Variants in SORL1 observed in about 807,000 individuals in gnomAD.
SORL1 encodes the protein sortilin related receptor 1.
Under a neutral mutation model 273.7 loss-of-function variants are expected in SORL1, and 127 were observed. The observed-to-expected ratio is 0.46, with a 90% CI of 0.40 to 0.54. The LOEUF (loss-of-function observed/expected upper bound fraction) is 0.54, where lower values mean the gene tolerates loss of function less well. Among genes scored for constraint, SORL1 ranks in the 20% least tolerant of loss-of-function variants. SORL1 has a pLI of 0.00. For missense variants in SORL1, 2,494 were observed against 2,846.1 expected (o/e 0.88, Z 2.81); for synonymous variants, 1,031 against 1,067.4 (o/e 0.97, Z 0.66).
At chr11:121,487,499 G>A (rs372883939) in intron 3 of SORL1, among the ~76,000 whole-genome samples, 19 of 152,318 alleles carry the variant, frequency 1.2e-4, no homozygotes, top group South Asian at 1.2e-3. Flanking sequence ...CAGAGCTGCC[G>A]ATCACCTGGC....
At chr11:121,602,235 A>G (rs1204369435) in intron 32 of SORL1, among the ~76,000 whole-genome samples, 12 of 152,210 alleles carry the variant, frequency 7.9e-5, no homozygotes, top group South Asian at 2.1e-4. Flanking sequence ...CTGAAATGCA[A>G]TGATCTTCCT....
intron 12 of SORL1, among the ~76,000 whole-genome samples, chr11:121,539,103 T>C (rs1012452393): frequency 6.6e-6 from 1 of 152,234 alleles, no homozygotes; most frequent in African/African-American, 2.4e-5. Context: ...AGAAGTCTTA[T>C]CTTGGGTTGA....
chr11:121,467,129 A>C (rs1282216405), intron 1 of SORL1, among the ~76,000 whole-genome samples: 1 of 146,752 alleles, frequency 6.8e-6, no homozygotes, highest in Non-Finnish European at 1.5e-5. Context: ...TCCCGGGTTC[A>C]CGCCATTCTC....
intron 26 of SORL1, among the ~76,000 whole-genome samples, chr11:121,585,113 T>C (rs1424650426): frequency 6.6e-6 from 1 of 152,256 alleles, no homozygotes; most frequent in Non-Finnish European, 1.5e-5. Flanking sequence ...TTTAAATAGC[T>C]TTATAAAACT....
At chr11:121,587,498 T>G (rs1863133658) in intron 27 of SORL1, among the ~76,000 whole-genome samples, 1 of 152,238 alleles carries the variant, frequency 6.6e-6, no homozygotes, top group Non-Finnish European at 1.5e-5. Context: ...GGCCCCATTC[T>G]TATGGTTTCA....
intron 1 of SORL1, among the ~76,000 whole-genome samples, chr11:121,465,442 C>T (rs1014871375): frequency 1.3e-5 from 2 of 152,202 alleles, no homozygotes; most frequent in Non-Finnish European, 2.9e-5. Context: ...TCATTTAGTT[C>T]CAACTCCTGC....
At position 121,595,651 on chromosome 11, in the gene SORL1, C is replaced by T; in HGVS notation, c.4398C>T (p.Thr1466=). 6.2e-6 allele frequency: 10 copies of T among 1,610,798 alleles called. No homozygotes were observed. Among genetic ancestry groups the T allele is most frequent in the Non-Finnish European group, 8.5e-6 (10 of 1,178,504 alleles). Residue 1466 remains threonine (T), a synonymous_variant, in exon 32 of 48, where the codon ACC becomes ACT. Transcript: ENST00000260197. This position sits in a 1 kb window ranked among gnomAD's most constrained non-coding sequence, Gnocchi z 5.1. ...ACGTCACTGCTGCCTCCACTCCCAC[C>T]CAACTTGGGCGATGTGACCGATTTG... ...LANVTAASTP[T]QLGRCDRFEF...
intron 41 of SORL1, among the ~76,000 whole-genome samples, chr11:121,618,270 G>A (rs1863668071): frequency 6.6e-6 from 1 of 152,274 alleles, no homozygotes; most frequent in South Asian, 2.1e-4. Flanking sequence ...GTACCTGTTG[G>A]ACAGCCAGCC....
chr11:121,606,419 T>A (rs967811867), intron 35 of SORL1, among the ~76,000 whole-genome samples: 3 of 152,236 alleles, frequency 2.0e-5, no homozygotes, highest in Non-Finnish European at 4.4e-5. Context: ...TTCATTTGGA[T>A]ATAGAAATTC....
intron 1 of SORL1, among the ~76,000 whole-genome samples, chr11:121,459,241 A>T (rs1207401681): frequency 2.0e-5 from 3 of 152,242 alleles, no homozygotes; most frequent in African/African-American, 4.8e-5. Context: ...AAATAGCCAC[A>T]TGTGGCTCTT....
At chr11:121,539,072 G>A (rs1232687172) in intron 12 of SORL1, among the ~76,000 whole-genome samples, 2 of 152,204 alleles carry the variant, frequency 1.3e-5, no homozygotes, top group Admixed American at 6.5e-5. Context: ...ATTGACAGAT[G>A]TGTTGAGCTC....
rs919631383 is a variant in SORL1, at chr11:121,606,912, C to T, written c.5016C>T (p.His1672=). The T allele has an allele frequency of 4.3e-6, 7 of 1,614,170 alleles. No homozygotes were observed. In the Admixed American group the frequency reaches 1.2e-4, roughly 27 times the overall value. ...AAGCAGAAGGTGTGATTGTAGGCCACTGGGCTCCTCCCATCCACACCCATG... is the reference window on the plus strand; with the variant it reads ...AAGCAGAAGGTGTGATTGTAGGCCATTGGGCTCCTCCCATCCACACCCATG... ...PREAEGVIVG[H]WAPPIHTHGL... is the part of the protein sequence containing the mutation. The change falls in exon 36 of 48, where the codon CAC becomes CAT. Residue 1672 remains histidine, a synonymous_variant. Coordinates refer to ENST00000260197, the MANE Select transcript of SORL1 (RefSeq NM_003105.6).
At chr11:121,572,780 G>A (rs1591333065) in intron 23 of SORL1, among the ~76,000 whole-genome samples, 1 of 152,236 alleles carries the variant, frequency 6.6e-6, no homozygotes, top group Middle Eastern at 3.4e-3. Context: ...CTCTAGCTGG[G>A]TGACTGTCAG....
At chr11:121,534,957 G>A (rs1862247709) in intron 12 of SORL1, among the ~76,000 whole-genome samples, 2 of 152,272 alleles carry the variant, frequency 1.3e-5, no homozygotes, top group South Asian at 2.1e-4. Context: ...TTTACATGAT[G>A]CGCCTGAATT....
At chr11:121,496,719 C>T (rs1861634482) in intron 5 of SORL1, 150 bp from the exon 6 acceptor site, 1 of 643,534 alleles carries the variant, frequency 1.6e-6, no homozygotes, top group African/African-American at 1.8e-5. Context: ...AAGGAGTAAC[C>T]AAAGGGATAT....
chr11:121,516,614 C>T (rs1329444240), intron 8 of SORL1, among the ~76,000 whole-genome samples: 1 of 152,148 alleles, frequency 6.6e-6, no homozygotes, highest in African/African-American at 2.4e-5. Flanking sequence ...TCCTTTCCTC[C>T]CCTGACATAG....
At position 121,514,094 on chromosome 11, in the gene SORL1, A is replaced by G; in HGVS notation, c.1042-58A>G. On this transcript the variant is annotated intron_variant, in intron 7 of 47. Coordinates refer to ENST00000260197, the MANE Select transcript of SORL1 (RefSeq NM_003105.6). ...AGTCATTGCTTCCGTGTGTATAGTA[A>G]AAGCCCACAGGGCACATTTGTTTTT... The G allele has an allele frequency of 1.9e-6, 3 of 1,559,442 alleles. No individual in the cohort carries two copies. In the South Asian group the frequency reaches 3.6e-5, roughly 18 times the overall value.
intron 45 of SORL1, 66 bp downstream of exon 45, chr11:121,622,334 T>A: frequency 1.2e-6 from 1 of 859,070 alleles, no homozygotes; most frequent in Non-Finnish European, 1.9e-6. Context: ...AGAGATGAGC[T>A]TGTTGACAGC....
Position 121,605,553 on chromosome 11 carries a change from C to T in SORL1, c.4930C>T (p.Leu1644=). 1 of 1,613,898 alleles carries T rather than the reference C, an allele frequency of 6.2e-7. No individual in the cohort carries two copies. The highest frequency in any genetic ancestry group is 2.2e-5 in the East Asian group (1 of 44,864). Residue 1644 remains leucine (L), a synonymous_variant, in exon 35 of 48, where the codon CTG becomes TTG. Coordinates refer to ENST00000260197, the MANE Select transcript of SORL1 (RefSeq NM_003105.6). ...KAHNTNDFVT[L]RTPEGLPDAP... is the part of the protein sequence containing the mutation. The stretch of plus-strand genomic sequence containing the variant: ...ACACAACACCAATGACTTTGTGACC[C>T]TGAGGACCCCAGAGGGATGTAAGTG...
Sources: allele counts gnomAD v4.1 joint callset (sites outside exome capture counted in the v4.1 genomes callset), GRCh38; gene constraint gnomAD v4.1.1; non-coding constraint Gnocchi (gnomAD v3.1); transcripts MANE v1.5; gene names NCBI Gene and HGNC (gene_info 2026-07-23, HGNC 2026-07-21).